KIRREL3: variants seen among roughly 807,000 people sequenced by gnomAD.
KIRREL3 encodes the protein kirre like nephrin family adhesion molecule 3.
In KIRREL3, 36 loss-of-function variants were observed where a neutral mutation model predicts 89.7. That is an observed-to-expected ratio of 0.40 (90% CI 0.31 to 0.53). The LOEUF is 0.53. Among genes scored for constraint, KIRREL3 ranks in the 20% least tolerant of loss-of-function variants. The pLI is 0.49. For synonymous variants in KIRREL3, 445 were observed against 441.4 expected, an observed-to-expected ratio of 1.01 and a Z score of -0.10; for missense variants, 864 against 1,056.6, an observed-to-expected ratio of 0.82 and a Z score of 2.53.
chr11:126,875,081 C>T (rs1945233008), intron 1 of KIRREL3, among the ~76,000 whole-genome samples: 1 of 152,178 alleles, frequency 6.6e-6, no homozygotes, highest in African/African-American at 2.4e-5. Context: ...TTACCCCAAT[C>T]CTGTGTGATT....
intron 10 of KIRREL3, chr11:126,440,978 C>T (rs1591536625): frequency 1.5e-5 from 3 of 206,858 alleles, no homozygotes; most frequent in Non-Finnish European, 3.0e-5. Flanking sequence ...CAGCCAGCGG[C>T]ACCCCTGCGA....
Position 126,590,360 on chromosome 11 carries a change from C to T in KIRREL3, c.56-27448G>A, listed in dbSNP as rs369312055. On this transcript the variant is annotated intron_variant, in intron 1 of 16. Transcript: ENST00000525144. ...ACCCACTTTCCTGGGCCCCCAGCTC[C>T]CAGAGTCGACTCCTATGGGGCTCTT... 1.1e-4 allele frequency among the ~76,000 whole-genome samples: 17 copies of T among 152,322 alleles called. 1 individual carries two copies. The highest frequency in any genetic ancestry group is 4.1e-4 in the African/African-American group (17 of 41,574).
At chr11:126,707,492 C>A (rs1288678480) in intron 1 of KIRREL3, among the ~76,000 whole-genome samples, 1 of 152,150 alleles carries the variant, frequency 6.6e-6, no homozygotes, top group African/African-American at 2.4e-5. Context: ...CATATACTAA[C>A]TGCCCAGGTA....
Position 126,668,938 on chromosome 11 carries a change from G to T in KIRREL3, c.56-106026C>A, listed in dbSNP as rs979928930. 3.3e-5 allele frequency among the ~76,000 whole-genome samples: 5 copies of T among 151,974 alleles called. No homozygotes were observed. The highest frequency in any genetic ancestry group is 7.4e-5 in the Non-Finnish European group (5 of 67,988). On this transcript the variant is annotated intron_variant, in intron 1 of 16. Coordinates refer to ENST00000525144, the MANE Select transcript of KIRREL3 (RefSeq NM_032531.4). This position sits in a 1 kb window ranked among gnomAD's most constrained non-coding sequence, Gnocchi z 4.4. ...GCCGTTCCTTTCCTGCCTATGTTGG[G>T]GTGCTGGGTACTGACAGTAAGAGTG...
Position 126,905,924 on chromosome 11 carries a change from T to C in KIRREL3, c.55+94531A>G, listed in dbSNP as rs1020450220. 6.6e-6 allele frequency among the ~76,000 whole-genome samples: 1 copy of C among 152,214 alleles called. No homozygotes were observed. Among genetic ancestry groups the C allele is most frequent in the Admixed American group, 6.5e-5 (1 of 15,282 alleles). On this transcript the variant is annotated intron_variant, in intron 1 of 16. Transcript: ENST00000525144. This position sits in a 1 kb window ranked among gnomAD's most constrained non-coding sequence, Gnocchi z 5.0. ...GCTAAGTGAGGATGCACGGAGGAGA[T>C]GAAACAGGCTGACAGGCAGAGCCAT... is the stretch of plus-strand genomic sequence containing the variant.
intron 1 of KIRREL3, among the ~76,000 whole-genome samples, chr11:126,886,282 A>G (rs567908311): frequency 6.6e-6 from 1 of 152,192 alleles, no homozygotes; most frequent in Non-Finnish European, 1.5e-5. Flanking sequence ...GGACTCACTA[A>G]TATCTATTTT....
At chr11:126,753,256 G>A (rs1477157970) in intron 1 of KIRREL3, among the ~76,000 whole-genome samples, 1 of 152,172 alleles carries the variant, frequency 6.6e-6, no homozygotes, top group African/African-American at 2.4e-5. Flanking sequence ...CTGGCTCAGA[G>A]CAGACAGAGC....
In KIRREL3 at chr11:126,568,135, T is replaced by A. The variant is rs1940653941; in HGVS notation, c.56-5223A>T. 6.6e-6 allele frequency among the ~76,000 whole-genome samples: 1 copy of A among 152,042 alleles called. No homozygotes were observed. Among genetic ancestry groups the A allele is most frequent in the Non-Finnish European group, 1.5e-5 (1 of 67,994 alleles). The stretch of plus-strand genomic sequence containing the variant: ...AGAAGAAAAAAGATGAGACAGGAGA[T>A]CTAGCCAGGGACCAGATCCTGGAGT... On this transcript the variant is annotated intron_variant, in intron 1 of 16. Transcript: ENST00000525144. This position sits in a 1 kb window ranked among gnomAD's most constrained non-coding sequence, Gnocchi z 4.6.
chr11:126,893,104 T>C (rs892018445), intron 1 of KIRREL3, among the ~76,000 whole-genome samples: 3 of 152,176 alleles, frequency 2.0e-5, no homozygotes, highest in Non-Finnish European at 2.9e-5. Flanking sequence ...GGGAGAAGAT[T>C]TCAGCATTTA....
intron 1 of KIRREL3, among the ~76,000 whole-genome samples, chr11:126,777,632 A>G (rs1950206296): frequency 6.6e-6 from 1 of 152,234 alleles, no homozygotes; most frequent in South Asian, 2.1e-4. Flanking sequence ...AGCAGCCCAA[A>G]GCAAGTCACT....
intron 4 of KIRREL3, among the ~76,000 whole-genome samples, chr11:126,510,799 A>G (rs1443111388): frequency 2.7e-4 from 41 of 152,170 alleles, no homozygotes; most frequent in Admixed American, 2.7e-3. Flanking sequence ...TGCACTGGCC[A>G]TGGTGCTGAC....
chr11:126,559,243 C>A (rs1939931692), intron 2 of KIRREL3, among the ~76,000 whole-genome samples: 1 of 152,232 alleles, frequency 6.6e-6, no homozygotes, highest in Admixed American at 6.5e-5. Flanking sequence ...TGTTCCACAT[C>A]TGTGTGCTCT....
chr11:126,432,129 T>G lies in KIRREL3; in HGVS notation c.1589-603A>C. Among the ~76,000 whole-genome samples the G allele has an allele frequency of 6.6e-6, 1 of 152,114 alleles. No individual in the cohort carries two copies. The highest frequency in any genetic ancestry group is 2.1e-4 in the South Asian group (1 of 4,824). On this transcript the variant is annotated intron_variant, in intron 13 of 16. Transcript: ENST00000525144. The surrounding 1 kb of genome is among the most constrained non-coding windows in gnomAD (Gnocchi z 6.2). ...AGGGTCCAGGGAGCAGGGTTACAGC[T>G]TCTCCACTGCCACCTCTCTAAGGAG...
rs990300134 is a variant in KIRREL3, at chr11:126,955,190, T to G, written c.55+45265A>C. ...GAATTAGGGGAAGGGGCCAACAGGGTAACGTGGTAATGAAGGAGATGGCAA... is the reference window on the plus strand; with the variant it reads ...GAATTAGGGGAAGGGGCCAACAGGGGAACGTGGTAATGAAGGAGATGGCAA... On this transcript the variant is annotated intron_variant, in intron 1 of 16. Transcript: ENST00000525144. The surrounding 1 kb of genome is among the most constrained non-coding windows in gnomAD (Gnocchi z 4.6). Among the ~76,000 whole-genome samples, 13 of 152,138 alleles carry G rather than the reference T, an allele frequency of 8.5e-5. No individual in the cohort carries two copies. The highest frequency in any genetic ancestry group is 1.9e-4 in the Non-Finnish European group (13 of 68,020).
chr11:126,934,774 A>C (rs754101151), intron 1 of KIRREL3: 1 of 152,210 alleles, frequency 6.6e-6, no homozygotes, highest in Non-Finnish European at 1.5e-5. Context: ...AAATGAGCAA[A>C]AGACGGCCAG....
At chr11:126,472,282 C>A (rs183126043) in intron 5 of KIRREL3, among the ~76,000 whole-genome samples, 5 of 152,122 alleles carry the variant, frequency 3.3e-5, no homozygotes, top group Non-Finnish European at 5.9e-5. Flanking sequence ...ATAAACTGGG[C>A]GGCTTATAAA....
At position 126,624,194 on chromosome 11, in the gene KIRREL3, CA is replaced by C. The variant is rs1485729576; in HGVS notation, c.56-61283del. ...AATGAAGAACTAGAATACAGGGAGC[CA>C]GGGGGTGGCGGTGTGGCGGGGAGGA... On this transcript the variant is annotated intron_variant, in intron 1 of 16. Transcript: ENST00000525144. This position sits in a 1 kb window ranked among gnomAD's most constrained non-coding sequence, Gnocchi z 6.0. 6.6e-6 allele frequency among the ~76,000 whole-genome samples: 1 copy of C among 151,990 alleles called. No homozygotes were observed. Among genetic ancestry groups the C allele is most frequent in the Admixed American group, 6.6e-5 (1 of 15,250 alleles).
At position 126,710,937 on chromosome 11, in the gene KIRREL3, A is replaced by T. The variant is rs1286687395; in HGVS notation, c.56-148025T>A. On this transcript the variant is annotated intron_variant, in intron 1 of 16. Transcript: ENST00000525144. This position sits in a 1 kb window ranked among gnomAD's most constrained non-coding sequence, Gnocchi z 4.2. ...CCTGATAGGCCTCTTCACAATGTGCAGGCTGTGATGAGGATGGTGGCTGCT... is the reference window on the plus strand; with the variant it reads ...CCTGATAGGCCTCTTCACAATGTGCTGGCTGTGATGAGGATGGTGGCTGCT... 6.6e-6 allele frequency among the ~76,000 whole-genome samples: 1 copy of T among 152,212 alleles called. No individual in the cohort carries two copies. Among genetic ancestry groups the T allele is most frequent in the East Asian group, 1.9e-4 (1 of 5,196 alleles).
intron 1 of KIRREL3, among the ~76,000 whole-genome samples, chr11:126,692,278 T>G (rs1946906409): frequency 6.6e-6 from 1 of 151,892 alleles, no homozygotes; most frequent in African/African-American, 2.4e-5. Flanking sequence ...GGCACGGTGG[T>G]TCAGGCCTGT....
Sources: allele counts gnomAD v4.1 joint callset (sites outside exome capture counted in the v4.1 genomes callset), GRCh38; gene constraint gnomAD v4.1.1; non-coding constraint Gnocchi (gnomAD v3.1); transcripts MANE v1.5; gene names NCBI Gene and HGNC (gene_info 2026-07-23, HGNC 2026-07-21).